The following CACNA1C variants were observed in gnomAD, a reference collection of about 807,000 sequenced individuals.
The protein encoded by CACNA1C is calcium voltage-gated channel subunit alpha1 C.
A neutral mutation model predicts 229.0 loss-of-function variants in CACNA1C; 30 were observed. The observed-to-expected ratio is 0.13, with a 90% CI of 0.10 to 0.18. The LOEUF (loss-of-function observed/expected upper bound fraction) is 0.18. Ranked by LOEUF, CACNA1C falls within the 10% of genes least tolerant of loss-of-function variation. The probability of loss-of-function intolerance (pLI) is 1.00; values close to 1 mark genes in which losing one functional copy is unlikely to be tolerated. For synonymous variants in CACNA1C, 1,114 were observed against 1,132.5 expected, an observed-to-expected ratio of 0.98 and a Z score of 0.33; for missense variants, 1,658 against 2,845.0, an observed-to-expected ratio of 0.58 and a Z score of 9.49.
At chr12:2,481,424 G>A (rs534964008) in intron 5 of CACNA1C, among the ~76,000 whole-genome samples, 6 of 152,328 alleles carry the variant, frequency 3.9e-5, no homozygotes, top group South Asian at 2.1e-4. Context: ...TTTCCTAACC[G>A]GAATTGTCAA....
In CACNA1C at chr12:2,633,488, T is replaced by C; in HGVS notation, c.3829-809T>C. The C allele has an allele frequency of 1.5e-6, 1 of 674,238 alleles. No individual in the cohort carries two copies. The allele number at this position is 674,238 out of a possible 1,614,324, so 41.8% of individuals were successfully genotyped here. A position where few individuals can be genotyped will look rare whatever the true frequency, so the allele number is the denominator to read the frequency against. On this transcript the variant is annotated intron_variant, in intron 29 of 46. Transcript: ENST00000399655. This position sits in a 1 kb window ranked among gnomAD's most constrained non-coding sequence, Gnocchi z 5.8. ...TCCTTCCTTGCTGGTGCTCCTGGGC[T>C]CCTGGCCATGGTGAGGGCGTCCGGA...
At chr12:2,455,018 A>G (rs2099408586) in intron 4 of CACNA1C, among the ~76,000 whole-genome samples, 1 of 151,086 alleles carries the variant, frequency 6.6e-6, no homozygotes, top group Non-Finnish European at 1.5e-5. Context: ...TCCGTCCCAC[A>G]CGGCCCTGCC....
intron 3 of CACNA1C, among the ~76,000 whole-genome samples, chr12:2,174,410 A>G (rs1367905892): frequency 6.6e-6 from 1 of 152,190 alleles, no homozygotes; most frequent in East Asian, 1.9e-4. Context: ...TTCATCTATA[A>G]GACAGGTAGT....
Position 2,504,321 on chromosome 12 carries a change from C to T in CACNA1C, c.1114-521C>T. On this transcript the variant is annotated intron_variant, in intron 7 of 46. Coordinates refer to ENST00000399655, the MANE Select transcript of CACNA1C (RefSeq NM_000719.7). This position sits in a 1 kb window ranked among gnomAD's most constrained non-coding sequence, Gnocchi z 6.8. The stretch of plus-strand genomic sequence containing the variant: ...ACACGGGTAACCTGGTGCACATGAA[C>T]AAAGCCCACGTTCAGCCCCGTCTGT... 1 of 674,454 alleles carries T rather than the reference C, an allele frequency of 1.5e-6. No individual in the cohort carries two copies. The highest frequency in any genetic ancestry group is 2.7e-6 in the Non-Finnish European group (1 of 367,366). 41.8% of individuals were successfully genotyped at this position (674,454 alleles called of 1,614,324 possible).
chr12:2,156,642 C>A (rs567592000), intron 3 of CACNA1C, among the ~76,000 whole-genome samples: 1 of 152,376 alleles, frequency 6.6e-6, no homozygotes, highest in Non-Finnish European at 1.5e-5. Flanking sequence ...GTTTGACCAA[C>A]CTCAGTTAAG....
At position 2,691,011 on chromosome 12, in the gene CACNA1C, G is replaced by A. The variant is rs745761632; in HGVS notation, c.6229G>A (p.Ala2077Thr). 3 of 1,600,248 alleles carry A rather than the reference G, an allele frequency of 1.9e-6. No homozygotes were observed. Among genetic ancestry groups the A allele is most frequent in the Admixed American group, 1.7e-5 (1 of 58,020 alleles). The change falls in exon 47 of 47, where the codon GCG becomes ACG. Residue 2077 changes from alanine (A) to threonine (T), a missense_variant. Ala to Thr is a moderately conservative substitution (Grantham distance 58, BLOSUM62 0). Transcript: ENST00000399655. Reference sequence around the variant, plus strand: ...CATGACCATAGAGGAGATGGAGAGCGCGGCCGACAACATCCTCAGCGGGGG... The same window carrying A: ...CATGACCATAGAGGAGATGGAGAGCACGGCCGACAACATCCTCAGCGGGGG... ...CDMTIEEMES[A>T]ADNILSGGAP...
chr12:2,004,005 C>G (rs1453300008), intron 1 of CACNA1C, among the ~76,000 whole-genome samples: 1 of 152,148 alleles, frequency 6.6e-6, no homozygotes, highest in African/African-American at 2.4e-5. Context: ...TTTCCTTCGG[C>G]TCTTATGGTG....
At chr12:2,525,940 A>G (rs772643255) in intron 9 of CACNA1C, among the ~76,000 whole-genome samples, 3 of 152,224 alleles carry the variant, frequency 2.0e-5, no homozygotes, top group Non-Finnish European at 4.4e-5. Flanking sequence ...CTTGCCAGAA[A>G]CAACAGAGAA....
intron 3 of CACNA1C, among the ~76,000 whole-genome samples, chr12:2,176,336 G>A (rs746202257): frequency 6.6e-6 from 1 of 152,114 alleles, no homozygotes; most frequent in Non-Finnish European, 1.5e-5. Context: ...GGCAGACCAG[G>A]CAGAGTCTTA....
At chr12:2,130,193 CTTTT>C (rs35630466) in intron 3 of CACNA1C, among the ~76,000 whole-genome samples, 8 of 114,126 alleles carry the variant, frequency 7.0e-5, no homozygotes, top group Non-Finnish European at 1.1e-4. Flanking sequence ...TGAGACCTTT[CTTTT>C]TTTTTTTTTT....
intron 3 of CACNA1C, among the ~76,000 whole-genome samples, chr12:2,339,084 G>T (rs879150593): frequency 6.6e-6 from 1 of 152,212 alleles, no homozygotes; most frequent in Non-Finnish European, 1.5e-5. Context: ...GTTGTTAGGT[G>T]ATTTCATCAT....
At chr12:2,561,461 A>G (rs2047447858) in intron 11 of CACNA1C, among the ~76,000 whole-genome samples, 1 of 152,218 alleles carries the variant, frequency 6.6e-6, no homozygotes, top group East Asian at 1.9e-4. Flanking sequence ...GTCAGTGTTT[A>G]GTAACTATTT....
intron 3 of CACNA1C, among the ~76,000 whole-genome samples, chr12:2,242,753 T>C (rs1391280365): frequency 1.3e-5 from 2 of 152,192 alleles, no homozygotes; most frequent in African/African-American, 4.8e-5. Flanking sequence ...CCAGCCTCAG[T>C]TTCCTTGTTT....
chr12:2,323,661 ACAGCTCATCC>A (rs2096134788), intron 3 of CACNA1C, among the ~76,000 whole-genome samples: 1 of 152,212 alleles, frequency 6.6e-6, no homozygotes, highest in South Asian at 2.1e-4. Flanking sequence ...CTGCCCAGTG[ACAGCTCATCC>A]CACAGTTTAT....
rs111576273 is a variant in CACNA1C, at chr12:2,602,903, C to T, written c.2960+943C>T. Reference sequence around the variant, plus strand: ...CACACACACAAAACGATGGGGGAGACGGGGCAAGTGTTATCATGATTGTAT... The same window carrying T: ...CACACACACAAAACGATGGGGGAGATGGGGCAAGTGTTATCATGATTGTAT... On this transcript the variant is annotated intron_variant, in intron 22 of 46. Transcript: ENST00000399655. This position sits in a 1 kb window ranked among gnomAD's most constrained non-coding sequence, Gnocchi z 4.4. Among the ~76,000 whole-genome samples the T allele has an allele frequency of 4.7e-4, 72 of 152,204 alleles. 1 individual carries two copies. The highest frequency in any genetic ancestry group is 1.4e-3 in the African/African-American group (60 of 41,504).
intron 3 of CACNA1C, among the ~76,000 whole-genome samples, chr12:2,369,712 T>A (rs2097805216): frequency 6.6e-6 from 1 of 152,164 alleles, no homozygotes; most frequent in Non-Finnish European, 1.5e-5. Flanking sequence ...CCTACATACC[T>A]ATCTTATACA....
chr12:1,995,955 A>G (rs1409703034), intron 1 of CACNA1C, among the ~76,000 whole-genome samples: 1 of 152,186 alleles, frequency 6.6e-6, no homozygotes, highest in African/African-American at 2.4e-5. Context: ...TCAAAGTAAA[A>G]TGAGGGCTGA....
At chr12:2,522,634 G>A (rs2099812144) in intron 9 of CACNA1C, among the ~76,000 whole-genome samples, 1 of 152,174 alleles carries the variant, frequency 6.6e-6, no homozygotes, top group Admixed American at 6.5e-5. Context: ...ACTCCCCGTA[G>A]GAGGGGTCAT....
At chr12:2,400,115 T>C (rs1040625723) in intron 3 of CACNA1C, among the ~76,000 whole-genome samples, 6 of 152,200 alleles carry the variant, frequency 3.9e-5, no homozygotes, top group Non-Finnish European at 8.8e-5. Context: ...CATTATCTCA[T>C]TTATTCCTCA....
Sources: allele counts gnomAD v4.1 joint callset (sites outside exome capture counted in the v4.1 genomes callset), GRCh38; gene constraint gnomAD v4.1.1; non-coding constraint Gnocchi (gnomAD v3.1); transcripts MANE v1.5; gene names NCBI Gene and HGNC (gene_info 2026-07-23, HGNC 2026-07-21).